CTNNA3: variants seen among roughly 807,000 people sequenced by gnomAD.
The protein encoded by CTNNA3 is catenin alpha 3, also known as catenin alpha-3.
A neutral mutation model predicts 95.7 loss-of-function variants in CTNNA3; 76 were observed. The ratio of observed to expected loss-of-function variants is 0.79; its 90% confidence interval spans 0.66 to 0.96. CTNNA3 has a LOEUF of 0.96. CTNNA3 is among the 40% of genes least tolerant of loss of function. The probability of loss-of-function intolerance (pLI) is 0.00; values close to 1 mark genes in which losing one functional copy is unlikely to be tolerated. For missense variants in CTNNA3, 1,191 were observed against 1,089.8 expected (o/e 1.09, Z -1.31); for synonymous variants, 431 against 374.4 (o/e 1.15, Z -1.74).
chr10:66,880,635 C>T (rs1348855543), intron 7 of CTNNA3, among the ~76,000 whole-genome samples: 1 of 152,062 alleles, frequency 6.6e-6, no homozygotes, highest in African/African-American at 2.4e-5. Context: ...ATGGCACTAA[C>T]ACATCACATT....
intron 1 of CTNNA3, among the ~76,000 whole-genome samples, chr10:67,688,849 A>G (rs1840786515): frequency 6.6e-6 from 1 of 152,074 alleles, no homozygotes; most frequent in Non-Finnish European, 1.5e-5. Flanking sequence ...TTGCCCAAGA[A>G]CCCGCAACGG....
chr10:67,581,218 T>G (rs1842382887), intron 3 of CTNNA3, among the ~76,000 whole-genome samples: 1 of 152,172 alleles, frequency 6.6e-6, no homozygotes, highest in Non-Finnish European at 1.5e-5. Flanking sequence ...CTATTATTAT[T>G]TTGAGATATG....
chr10:66,912,494 A>G, intron 7 of CTNNA3, among the ~76,000 whole-genome samples: 1 of 152,186 alleles, frequency 6.6e-6, no homozygotes, highest in South Asian at 2.1e-4. Context: ...GGGCTCAGGA[A>G]AATTAAACAC....
At position 66,120,974 on chromosome 10, in the gene CTNNA3, G is replaced by A. The variant is rs542290087; in HGVS notation, c.1885-17725C>T. On this transcript the variant is annotated intron_variant, in intron 13 of 17. Coordinates refer to ENST00000433211, the MANE Select transcript of CTNNA3 (RefSeq NM_013266.4). ...GAAGCTGTGAAAATAACCCAGGTGC[G>A]AAGGCCAATGGTTTTCATACATTTC... Among the ~76,000 whole-genome samples, 20 of 152,242 alleles carry A rather than the reference G, an allele frequency of 1.3e-4. No individual in the cohort carries two copies. The East Asian group carries it at 3.5e-3, about 26-fold the overall frequency.
chr10:67,013,309 T>G (rs1027695999), intron 7 of CTNNA3, among the ~76,000 whole-genome samples: 5 of 152,234 alleles, frequency 3.3e-5, no homozygotes, highest in African/African-American at 7.2e-5. Flanking sequence ...TCTATAATGT[T>G]TGCTGTTTAT....
In CTNNA3 at chr10:66,379,216, G is replaced by T; in HGVS notation, c.1668C>A (p.Asp556Glu). The T allele has an allele frequency of 6.2e-7, 1 of 1,614,100 alleles. No individual in the cohort carries two copies. ...CCGTGTAAGCCCCTGGCTCGTAACT[G>T]TCCATTTCACCCGTGACGATGTGAG... ...RVAHIVTGEM[D>E]SYEPGAYTEG... Residue 556 changes from aspartate (D) to glutamate (E), a missense_variant, in exon 12 of 18, where the codon GAC (aspartate) becomes GAA (glutamate). Asp to Glu is a conservative substitution (Grantham distance 45, BLOSUM62 2). Transcript: ENST00000433211.
intron 13 of CTNNA3, among the ~76,000 whole-genome samples, chr10:66,181,732 T>TA (rs1268642386): frequency 1.3e-5 from 2 of 152,226 alleles, no homozygotes; most frequent in Non-Finnish European, 2.9e-5. Context: ...ATTTCAGTGT[T>TA]ACAATTGTTA....
At chr10:66,552,166 G>A (rs773597857) in intron 10 of CTNNA3, among the ~76,000 whole-genome samples, 52 of 152,050 alleles carry the variant, frequency 3.4e-4, no homozygotes, top group Non-Finnish European at 1.0e-4. Flanking sequence ...GCCTCCCAAG[G>A]TGCTGGGATT....
intron 1 of CTNNA3, among the ~76,000 whole-genome samples, chr10:67,664,161 A>G (rs12266040): frequency 0.13 from 20,100 of 152,200 alleles, 1,433 homozygotes; most frequent in Non-Finnish European, 0.16. Context: ...CAAAATTGCT[A>G]AATATATTTT....
chr10:67,290,262 C>T (rs1234154822), intron 5 of CTNNA3, among the ~76,000 whole-genome samples: 1 of 152,158 alleles, frequency 6.6e-6, no homozygotes, highest in Non-Finnish European at 1.5e-5. Flanking sequence ...GAGACCTGCA[C>T]AACTTGTGTG....
intron 7 of CTNNA3, among the ~76,000 whole-genome samples, chr10:66,791,608 C>A (rs568408480): frequency 2.0e-5 from 3 of 152,240 alleles, no homozygotes; most frequent in South Asian, 2.1e-4. Context: ...TGCATCTCTC[C>A]CCCAATAGAT....
chr10:66,439,985 T>C (rs1253384265), intron 11 of CTNNA3, among the ~76,000 whole-genome samples: 4 of 152,198 alleles, frequency 2.6e-5, no homozygotes, highest in Admixed American at 1.3e-4. Flanking sequence ...GAATGTGTAA[T>C]TGAATATCAC....
At chr10:66,288,518 T>C (rs552979664) in intron 12 of CTNNA3, among the ~76,000 whole-genome samples, 2 of 152,140 alleles carry the variant, frequency 1.3e-5, no homozygotes, top group East Asian at 3.8e-4. Context: ...AGTTGTGTTG[T>C]TTAATACAGT....
chr10:67,083,527 G>C (rs1857151846), intron 7 of CTNNA3, among the ~76,000 whole-genome samples: 1 of 152,018 alleles, frequency 6.6e-6, no homozygotes, highest in Non-Finnish European at 1.5e-5. Flanking sequence ...AACTACATTT[G>C]AGTTATATGT....
At chr10:65,954,172 C>T (rs1277620251) in intron 17 of CTNNA3, among the ~76,000 whole-genome samples, 2 of 152,234 alleles carry the variant, frequency 1.3e-5, no homozygotes, top group Non-Finnish European at 2.9e-5. Context: ...CTGTTGGCTG[C>T]ATAAATGTCT....
At chr10:66,736,845 T>C (rs1392483659) in intron 9 of CTNNA3, among the ~76,000 whole-genome samples, 1 of 152,188 alleles carries the variant, frequency 6.6e-6, no homozygotes, top group African/African-American at 2.4e-5. Flanking sequence ...CTTATATGGC[T>C]TACAATGTGA....
chr10:66,084,129 T>G (rs1242960111), intron 14 of CTNNA3, among the ~76,000 whole-genome samples: 1 of 95,748 alleles, frequency 1.0e-5, no homozygotes, highest in Non-Finnish European at 2.1e-5. Context: ...CAGCGAAACT[T>G]CATCTCAAAA....
chr10:65,922,809 G>A (rs1441756178), intron 17 of CTNNA3, among the ~76,000 whole-genome samples: 1 of 152,110 alleles, frequency 6.6e-6, no homozygotes, highest in Non-Finnish European at 1.5e-5. Flanking sequence ...CCCGAGACTG[G>A]GTTATTTATA....
chr10:66,138,136 A>G (rs1448233834), intron 13 of CTNNA3, among the ~76,000 whole-genome samples: 1 of 152,100 alleles, frequency 6.6e-6, no homozygotes, highest in Non-Finnish European at 1.5e-5. Context: ...ATAATAATAA[A>G]CCCAAATATA....
Sources: gnomAD v4.1 joint callset for allele counts (sites outside exome capture counted in the v4.1 genomes callset) on GRCh38, gnomAD v4.1.1 for gene constraint, MANE v1.5 for transcripts, NCBI Gene and HGNC (gene_info 2026-07-23, HGNC 2026-07-21) for gene names.